Variants in PHEX observed in about 807,000 individuals in gnomAD.
PHEX encodes the protein phosphate regulating endopeptidase X-linked, also known as phosphate-regulating neutral endopeptidase PHEX.
In PHEX, 16 loss-of-function variants were observed where a neutral mutation model predicts 68.0. The ratio of observed to expected loss-of-function variants is 0.24; its 90% CI spans 0.16 to 0.36. PHEX has a LOEUF of 0.36. PHEX is among the 10% of genes least tolerant of loss of function. The probability of loss-of-function intolerance (pLI) is 1.00; values close to 1 mark genes in which losing one functional copy is unlikely to be tolerated. For synonymous variants in PHEX, 208 were observed against 205.1 expected (o/e 1.01, Z -0.12); for missense variants, 480 against 575.5 (o/e 0.83, Z 1.70).
At chrX:22,196,543 A>G (rs753979878) in intron 15 of PHEX, among the ~76,000 whole-genome samples, 4 of 112,659 alleles carry the variant, frequency 3.6e-5, no homozygotes, top group Non-Finnish European at 7.5e-5. Context: ...AGTGGTGGGA[A>G]GAGTGAACAG....
chrX:22,125,183 A>G (rs1373704026), intron 11 of PHEX, among the ~76,000 whole-genome samples: 2 of 111,815 alleles, frequency 1.8e-5, no homozygotes. Context: ...AAATTTTAAG[A>G]GTCCCCCTGA....
chrX:22,236,956 A>AGAT (rs930303807), intron 20 of PHEX, among the ~76,000 whole-genome samples: 1 of 112,614 alleles, frequency 8.9e-6, no homozygotes, highest in African/African-American at 3.2e-5. Flanking sequence ...CTAAAGAGAT[A>AGAT]GATAGATAGA....
intron 15 of PHEX, among the ~76,000 whole-genome samples, chrX:22,203,879 A>G (rs1356310266): frequency 8.9e-6 from 1 of 112,043 alleles, no homozygotes; most frequent in Admixed American, 9.5e-5. Flanking sequence ...GGGCTGATTT[A>G]TAGATCAGTT....
chrX:22,238,196 C>T (rs994213660), intron 20 of PHEX, among the ~76,000 whole-genome samples: 1 of 112,043 alleles, frequency 8.9e-6, no homozygotes, highest in African/African-American at 3.2e-5. Context: ...AGGATTGACA[C>T]AGAAGGCGGG....
At chrX:22,065,933 C>T (rs1421627017) in intron 3 of PHEX, among the ~76,000 whole-genome samples, 1 of 111,867 alleles carries the variant, frequency 8.9e-6, no homozygotes, top group African/African-American at 3.3e-5. Context: ...ATGGGTCTCT[C>T]ATTTCAAATG....
chrX:22,158,219 G>A (rs1933007992), intron 12 of PHEX, among the ~76,000 whole-genome samples: 1 of 111,937 alleles, frequency 8.9e-6, no homozygotes, highest in South Asian at 3.7e-4. Flanking sequence ...GAATGATAGT[G>A]TAATTCATGT....
chrX:22,218,255 C>T (rs1267902103), intron 16 of PHEX, among the ~76,000 whole-genome samples: 1 of 111,576 alleles, frequency 9.0e-6, no homozygotes, highest in Non-Finnish European at 1.9e-5. Flanking sequence ...AAGGCCTAGA[C>T]CCAGAAGTCA....
intron 9 of PHEX, among the ~76,000 whole-genome samples, chrX:22,102,380 A>C (rs1930469765): frequency 8.9e-6 from 1 of 112,244 alleles, no homozygotes; most frequent in Non-Finnish European, 1.9e-5. Flanking sequence ...AGTTCCACTC[A>C]TGTTTCTGGA....
At position 22,230,645 on chromosome X, in the gene PHEX, C is replaced by T. The variant is rs370537834; in HGVS notation, c.2070+3034C>T. On this transcript the variant is annotated intron_variant, in intron 20 of 21. Transcript: ENST00000379374. ...TCGATTTTGTATCCTGAGACTTTGC[C>T]GAAGCTGCTTATCAGCTTAAGGAGA... is the stretch of plus-strand genomic sequence containing the variant. Among the ~76,000 whole-genome samples the T allele has an allele frequency of 1.4e-4, 15 of 110,861 alleles. No individual in the cohort carries two copies. The East Asian group carries it at 1.7e-3, about 13-fold the overall frequency.
chrX:22,128,435 AG>A (rs968345579), intron 11 of PHEX, among the ~76,000 whole-genome samples: 1 of 110,741 alleles, frequency 9.0e-6, no homozygotes, highest in African/African-American at 3.3e-5. Context: ...GATGCTGGAC[AG>A]GGAGGGTCCT....
rs895436427 is a variant in PHEX, at chrX:22,195,703, T to C, written c.1645+5201T>C. ...CCAGGTGTAAGACTAAATACTGTTC[T>C]GTTTCATGTGTATAAAGTTCAGGAA... On this transcript the variant is annotated intron_variant, in intron 15 of 21. Coordinates refer to ENST00000379374, the MANE Select transcript of PHEX (RefSeq NM_000444.6). 2.7e-5 allele frequency among the ~76,000 whole-genome samples: 3 copies of C among 112,006 alleles called. 1 individual carries two copies. Among genetic ancestry groups the C allele is most frequent in the African/African-American group, 9.7e-5 (3 of 30,818 alleles).
At chrX:22,052,276 G>A (rs1927870761) in intron 3 of PHEX, among the ~76,000 whole-genome samples, 1 of 112,236 alleles carries the variant, frequency 8.9e-6, no homozygotes, top group African/African-American at 3.2e-5. Flanking sequence ...GCCCAGGCTG[G>A]AAGTGCAGTA....
chrX:22,161,377 G>A (rs770846817), intron 12 of PHEX, among the ~76,000 whole-genome samples: 1 of 112,289 alleles, frequency 8.9e-6, no homozygotes, highest in South Asian at 3.7e-4. Flanking sequence ...AATGAGCCGA[G>A]ATCGTGCTAC....
At chrX:22,237,189 C>T (rs1244724397) in intron 20 of PHEX, among the ~76,000 whole-genome samples, 1 of 111,767 alleles carries the variant, frequency 8.9e-6, no homozygotes. Context: ...ATATATTAAG[C>T]AAAGACAATA....
At chrX:22,133,170 G>A (rs1331811810) in intron 11 of PHEX, among the ~76,000 whole-genome samples, 5 of 111,897 alleles carry the variant, frequency 4.5e-5, no homozygotes, top group Non-Finnish European at 9.4e-5. Flanking sequence ...ACAGGCATGA[G>A]CCACCATGCC....
intron 15 of PHEX, among the ~76,000 whole-genome samples, chrX:22,201,075 GT>G: frequency 8.9e-6 from 1 of 112,136 alleles, no homozygotes; most frequent in Non-Finnish European, 1.9e-5. Flanking sequence ...GATTTTAAAA[GT>G]TTTGTTAAGT....
chrX:22,073,474 A>C (rs1928995936), intron 3 of PHEX, among the ~76,000 whole-genome samples: 1 of 111,217 alleles, frequency 9.0e-6, no homozygotes, highest in Non-Finnish European at 1.9e-5. Context: ...TGTGATTCCA[A>C]AGCACCCCCT....
Position 22,090,610 on chromosome X carries a change from T to C in PHEX, c.732+113T>C, listed in dbSNP as rs893388927. Reference sequence around the variant, plus strand: ...GAGCAGTGTGGCTATTCAATGACCATATTCCCAATGCAGGAAGACTTTTAT... The same window carrying C: ...GAGCAGTGTGGCTATTCAATGACCACATTCCCAATGCAGGAAGACTTTTAT... On this transcript the variant is annotated intron_variant, in intron 6 of 21. Transcript: ENST00000379374. 5 of 540,985 alleles carry C rather than the reference T, an allele frequency of 9.2e-6. No homozygotes were observed. The East Asian group carries it at 1.1e-4, about 12-fold the overall frequency. The allele number at this position is 540,985 out of a possible 1,213,427, so 44.6% of individuals were successfully genotyped here. A position where few individuals can be genotyped will look rare whatever the true frequency, so the allele number is the denominator to read the frequency against.
chrX:22,218,030 A>T (rs748502705), intron 16 of PHEX, among the ~76,000 whole-genome samples: 15 of 109,887 alleles, frequency 1.4e-4, no homozygotes, highest in Non-Finnish European at 2.5e-4. Context: ...ACTCACAGAC[A>T]GGTGAGTGAA....
Sources: allele counts gnomAD v4.1 joint callset (sites outside exome capture counted in the v4.1 genomes callset), GRCh38; gene constraint gnomAD v4.1.1; transcripts MANE v1.5; gene names NCBI Gene and HGNC (gene_info 2026-07-23, HGNC 2026-07-21).